Variants in WDR36 observed in about 807,000 individuals in gnomAD.
WDR36 encodes the protein WD repeat-containing protein 36.
In WDR36, 63 loss-of-function variants were observed where a neutral mutation model predicts 112.7. That is an observed-to-expected ratio of 0.56 (90% CI 0.46 to 0.69). The LOEUF (loss-of-function observed/expected upper bound fraction) is 0.69, where lower values mean the gene tolerates loss of function less well. Ranked by LOEUF, WDR36 falls within the 30% of genes least tolerant of loss-of-function variation. WDR36 has a pLI of 0.00. For missense variants in WDR36, 1,226 were observed against 1,070.3 expected (o/e 1.15, Z -2.03); for synonymous variants, 410 against 362.2 (o/e 1.13, Z -1.50).
chr5:111,093,107 C>T (rs548904324), intron 1 of WDR36, among the ~76,000 whole-genome samples: 1 of 152,332 alleles, frequency 6.6e-6, no homozygotes, highest in South Asian at 2.1e-4. Context: ...TTTCAACTAA[C>T]GCAAAGTGTC....
chr5:111,124,517 G>T (rs180724256), intron 21 of WDR36, among the ~76,000 whole-genome samples: 24 of 152,022 alleles, frequency 1.6e-4, no homozygotes, highest in Non-Finnish European at 4.4e-5. Flanking sequence ...TTTGTTTGTC[G>T]TTTTTGTAGC....
chr5:111,107,243 T>C (rs1561704782), intron 11 of WDR36, 51 bp from the exon 12 acceptor site: 1 of 1,575,768 alleles, frequency 6.3e-7, no homozygotes, highest in South Asian at 1.1e-5. Flanking sequence ...AAGTAATAAA[T>C]GAATAACAGA....
chr5:111,097,850 C>T (rs554153177), intron 3 of WDR36, among the ~76,000 whole-genome samples: 16 of 152,288 alleles, frequency 1.1e-4, no homozygotes, highest in Admixed American at 2.6e-4. Flanking sequence ...AGGTGGTTCC[C>T]ACAGTCTTTC....
intron 1 of WDR36, among the ~76,000 whole-genome samples, chr5:111,093,407 T>A (rs897556380): frequency 5.3e-5 from 8 of 152,184 alleles, no homozygotes; most frequent in African/African-American, 1.9e-4. Flanking sequence ...GGTAGAGTTG[T>A]CTCTCTTGGA....
chr5:111,094,243 C>A (rs543992210), intron 1 of WDR36, among the ~76,000 whole-genome samples: 1 of 152,112 alleles, frequency 6.6e-6, no homozygotes, highest in South Asian at 2.1e-4. Context: ...ATGACTGGCC[C>A]CATTCTGTTT....
At chr5:111,120,234 T>G (rs2112587714) in intron 17 of WDR36, among the ~76,000 whole-genome samples, 1 of 152,296 alleles carries the variant, frequency 6.6e-6, no homozygotes, top group South Asian at 2.1e-4. Flanking sequence ...TTACTTTACC[T>G]TATAAAATTA....
chr5:111,096,325 T>C (rs1483351180), intron 2 of WDR36, among the ~76,000 whole-genome samples: 1 of 152,234 alleles, frequency 6.6e-6, no homozygotes, highest in Non-Finnish European at 1.5e-5. Context: ...ATTTTTGGGT[T>C]GGTCCAAAGG....
chr5:111,105,175 C>G, intron 9 of WDR36, 120 bp from the exon 10 acceptor site: 1 of 1,071,780 alleles, frequency 9.3e-7, no homozygotes, highest in Non-Finnish European at 1.4e-6. Context: ...CTGGTTTTCC[C>G]TTTAAAGTGT....
intron 19 of WDR36, among the ~76,000 whole-genome samples, chr5:111,123,543 G>A (rs1282162419): frequency 6.6e-6 from 1 of 152,164 alleles, no homozygotes; most frequent in African/African-American, 2.4e-5. Flanking sequence ...AAAATGAGCT[G>A]TGTTTGTCTT....
At position 111,121,002 on chromosome 5, in the gene WDR36, A is replaced by G. The variant is rs1268356412; in HGVS notation, c.2009A>G (p.Glu670Gly). ...LPGTCQTQDV[E>G]VSEETVEPSD... Reference sequence around the variant, plus strand: ...CCTGAAAAATTTTTTTAAGATGTAGAAGTATCAGAAGAAACAGTAGAACCA... The same window carrying G: ...CCTGAAAAATTTTTTTAAGATGTAGGAGTATCAGAAGAAACAGTAGAACCA... Residue 670 changes from glutamate (E) to glycine (G), a missense_variant, in exon 19 of 23, where the codon GAA becomes GGA. Glu to Gly is a moderately conservative substitution (Grantham distance 98, BLOSUM62 -2). Coordinates refer to ENST00000513710, the MANE Select transcript of WDR36 (RefSeq NM_139281.3). 1.2e-6 allele frequency: 2 copies of G among 1,612,792 alleles called. No homozygotes were observed. Among genetic ancestry groups the G allele is most frequent in the African/African-American group, 2.7e-5 (2 of 74,904 alleles).
In WDR36 at chr5:111,118,995, T is replaced by C. The variant is rs781645443; in HGVS notation, c.1797-18T>C. 3 of 1,587,630 alleles carry C rather than the reference T, an allele frequency of 1.9e-6. No individual in the cohort carries two copies. In the Admixed American group the frequency reaches 5.0e-5, roughly 26 times the overall value. ...TGGTAGAGTTCAAATACTTTTAACATGTTAATTATTTCTGTAGCCTTATAG... is the reference window on the plus strand; with the variant it reads ...TGGTAGAGTTCAAATACTTTTAACACGTTAATTATTTCTGTAGCCTTATAG... On this transcript the variant is annotated intron_variant, in intron 16 of 22. Transcript: ENST00000513710.
intron 18 of WDR36, 103 bp from the exon 19 acceptor site, chr5:111,120,893 C>A: frequency 9.8e-7 from 1 of 1,017,904 alleles, no homozygotes; most frequent in South Asian, 1.4e-5. Flanking sequence ...GTCTACAAGG[C>A]TGCATTAAAT....
chr5:111,095,011 G>T, intron 2 of WDR36, 64 bp downstream of exon 2: 1 of 1,461,558 alleles, frequency 6.8e-7, no homozygotes, highest in Non-Finnish European at 9.4e-7. Flanking sequence ...TGACATAAAT[G>T]TGAGACTTAC....
At chr5:111,117,750 G>C (rs1753485464) in intron 16 of WDR36, among the ~76,000 whole-genome samples, 1 of 152,108 alleles carries the variant, frequency 6.6e-6, no homozygotes, top group South Asian at 2.1e-4. Flanking sequence ...GAAATAATTT[G>C]TATTAATGTA....
Position 111,125,755 on chromosome 5 carries a change from A to G in WDR36, c.2498A>G (p.Asp833Gly). The part of the protein sequence containing the change: ...MIGMMLDRKR[D>G]FELAQAYLAL... ...GGGATGATGCTGGACAGAAAGCGTG[A>G]TTTTGAGTTAGCCCAGGCATACCTT... The change falls in exon 22 of 23, where the codon GAT becomes GGT. Residue 833 changes from aspartate to glycine, a missense_variant. Coordinates refer to ENST00000513710, the MANE Select transcript of WDR36 (RefSeq NM_139281.3). The G allele has an allele frequency of 6.2e-6, 10 of 1,613,868 alleles. No homozygotes were observed. Among genetic ancestry groups the G allele is most frequent in the Non-Finnish European group, 8.5e-6 (10 of 1,179,828 alleles).
At chr5:111,126,056 G>A (rs944904509) in intron 22 of WDR36, among the ~76,000 whole-genome samples, 2 of 152,144 alleles carry the variant, frequency 1.3e-5, no homozygotes, top group African/African-American at 2.4e-5. Flanking sequence ...GCTAGACAGT[G>A]CAGCTTGGGA....
intron 1 of WDR36, among the ~76,000 whole-genome samples, chr5:111,092,886 A>C (rs1291710166): frequency 1.3e-5 from 2 of 152,266 alleles, no homozygotes; most frequent in African/African-American, 4.8e-5. Flanking sequence ...TTGTTCAGTG[A>C]ATATTTATTG....
chr5:111,111,316 C>T (rs1282739625), intron 15 of WDR36, 38 bp downstream of exon 15: 1 of 1,550,116 alleles, frequency 6.5e-7, no homozygotes, highest in Non-Finnish European at 8.9e-7. Context: ...TGACTCATTT[C>T]TACTTTTGTT....
At chr5:111,107,793 A>G (rs780069364) in intron 12 of WDR36, among the ~76,000 whole-genome samples, 13 of 151,350 alleles carry the variant, frequency 8.6e-5, no homozygotes, top group Non-Finnish European at 1.3e-4. Flanking sequence ...TCATTTGACC[A>G]TGTATGTAAG....
Sources: allele counts gnomAD v4.1 joint callset (sites outside exome capture counted in the v4.1 genomes callset), GRCh38; gene constraint gnomAD v4.1.1; transcripts MANE v1.5; gene names NCBI Gene and HGNC (gene_info 2026-07-23, HGNC 2026-07-21).